SEMA7A: variants seen among roughly 807,000 people sequenced by gnomAD.
The protein encoded by SEMA7A is semaphorin-7A.
Under a neutral mutation model 67.5 loss-of-function variants are expected in SEMA7A, and 21 were observed. The observed-to-expected ratio is 0.31, with a 90% confidence interval of 0.22 to 0.45. SEMA7A has a LOEUF of 0.45. Among genes scored for constraint, SEMA7A ranks in the 20% least tolerant of loss-of-function variants. The pLI is 1.00. For missense variants in SEMA7A, 774 were observed against 908.6 expected, an observed-to-expected ratio of 0.85 and a Z score of 1.90; for synonymous variants, 364 against 368.5, an observed-to-expected ratio of 0.99 and a Z score of 0.14.
chr15:74,411,910 T>C lies in SEMA7A; in HGVS notation c.1397A>G (p.Gln466Arg). ...CCGCTCAGCATCCAGCGACATGGTC[T>C]GGATGGCAGCCGCGCGGCGGAAGGG... ...IQPFRRAAAIQTMSLDAERRK... is the reference protein window; with the variant it reads ...IQPFRRAAAIRTMSLDAERRK... The change falls in exon 11 of 14, where the codon CAG becomes CGG. Residue 466 changes from glutamine to arginine, a missense_variant. Around this residue, in one of 2 missense-constraint regions of SEMA7A, gnomAD observed 427 missense variants for 555.4 expected, o/e 0.77. Coordinates refer to ENST00000261918, the MANE Select transcript of SEMA7A (RefSeq NM_003612.5). This position sits in a 1 kb window ranked among gnomAD's most constrained non-coding sequence, Gnocchi z 4.4. The C allele has an allele frequency of 6.2e-7, 1 of 1,614,028 alleles. No individual in the cohort carries two copies. Among genetic ancestry groups the C allele is most frequent in the Middle Eastern group, 1.6e-4 (1 of 6,062 alleles).
intron 1 of SEMA7A, among the ~76,000 whole-genome samples, chr15:74,422,498 C>G (rs1441569351): frequency 1.3e-5 from 2 of 152,194 alleles, no homozygotes; most frequent in Non-Finnish European, 2.9e-5. Flanking sequence ...AATCCTCACT[C>G]GTGCTGGACC....
intron 2 of SEMA7A, 131 bp from the exon 3 acceptor site, chr15:74,418,440 G>T: frequency 3.4e-6 from 3 of 873,386 alleles, no homozygotes; most frequent in Non-Finnish European, 5.5e-6. Context: ...AGCAACTGGG[G>T]CTCTGAGAGG....
rs2060925403 is a variant in SEMA7A, at chr15:74,414,153, G to A, written c.1294+394C>T. 6.6e-6 allele frequency among the ~76,000 whole-genome samples: 1 copy of A among 152,118 alleles called. No homozygotes were observed. The highest frequency in any genetic ancestry group is 6.6e-5 in the Admixed American group (1 of 15,262). ...GCACAATCCCAAAGACAGGCGCAGGGCCTGACTCCCTCATTCTGCCTGGCA... is the reference window on the plus strand; with the variant it reads ...GCACAATCCCAAAGACAGGCGCAGGACCTGACTCCCTCATTCTGCCTGGCA... On this transcript the variant is annotated intron_variant, in intron 10 of 13. Coordinates refer to ENST00000261918, the MANE Select transcript of SEMA7A (RefSeq NM_003612.5). This position sits in a 1 kb window ranked among gnomAD's most constrained non-coding sequence, Gnocchi z 4.1.
intron 1 of SEMA7A, among the ~76,000 whole-genome samples, chr15:74,430,279 C>A (rs2061077651): frequency 6.6e-6 from 1 of 152,192 alleles, no homozygotes; most frequent in African/African-American, 2.4e-5. Flanking sequence ...TCCCAGGTTT[C>A]AATTTCTCCT....
At position 74,416,000 on chromosome 15, in the gene SEMA7A, G is replaced by A. The variant is rs2060944854; in HGVS notation, c.802-15C>T. The A allele has an allele frequency of 1.9e-6, 3 of 1,611,940 alleles. No homozygotes were observed. The highest frequency in any genetic ancestry group is 1.7e-6 in the Non-Finnish European group (2 of 1,178,290). ...CCCTGGTCCCCCTGGAAGGGTAGAG[G>A]GGAGAAGAGGCCCCTCAGCACCTGC... On this transcript the variant is annotated splice_polypyrimidine_tract_variant and intron_variant, in intron 7 of 13. Coordinates refer to ENST00000261918, the MANE Select transcript of SEMA7A (RefSeq NM_003612.5).
chr15:74,433,275 G>A (rs2061107070), intron 1 of SEMA7A, among the ~76,000 whole-genome samples: 1 of 151,474 alleles, frequency 6.6e-6, no homozygotes, highest in Non-Finnish European at 1.5e-5. Flanking sequence ...CGGCGGCGGC[G>A]GCAAGGGGTC....
At chr15:74,429,615 G>A (rs904098832) in intron 1 of SEMA7A, among the ~76,000 whole-genome samples, 1 of 152,188 alleles carries the variant, frequency 6.6e-6, no homozygotes, top group African/African-American at 2.4e-5. Flanking sequence ...GCCAGCACTC[G>A]AGAGGCCTTC....
intron 1 of SEMA7A, among the ~76,000 whole-genome samples, chr15:74,432,090 G>C (rs1231355081): frequency 6.7e-6 from 1 of 148,348 alleles, no homozygotes; most frequent in African/African-American, 2.5e-5. Flanking sequence ...TGTGCATTAA[G>C]TGGGGTGGGG....
chr15:74,425,448 A>C (rs2061036480), intron 1 of SEMA7A, among the ~76,000 whole-genome samples: 1 of 152,180 alleles, frequency 6.6e-6, no homozygotes, highest in Admixed American at 6.5e-5. Flanking sequence ...ATCTGTGCTT[A>C]TAACATCGTA....
At chr15:74,433,065 G>A (rs1046416513) in intron 1 of SEMA7A, among the ~76,000 whole-genome samples, 7 of 152,152 alleles carry the variant, frequency 4.6e-5, no homozygotes, top group African/African-American at 1.7e-4. Context: ...GCCGATTTCT[G>A]GTGACAACTG....
chr15:74,430,221 G>A (rs1268877432), intron 1 of SEMA7A, among the ~76,000 whole-genome samples: 8 of 152,068 alleles, frequency 5.3e-5, no homozygotes, highest in East Asian at 1.9e-4. Flanking sequence ...TTTGGCCCAC[G>A]AGAGAAAAAG....
intron 10 of SEMA7A, among the ~76,000 whole-genome samples, chr15:74,413,509 C>A (rs539141151): frequency 6.6e-6 from 1 of 152,198 alleles, no homozygotes; most frequent in Admixed American, 6.5e-5. Context: ...GCTCCCAGTT[C>A]CGCACTGTGT....
chr15:74,419,387 A>C (rs1164355381), intron 1 of SEMA7A, among the ~76,000 whole-genome samples: 1 of 151,810 alleles, frequency 6.6e-6, no homozygotes. Context: ...GCGCCCCCCA[A>C]CCCCGGGCCT....
intron 1 of SEMA7A, chr15:74,433,504 AG>A: frequency 8.7e-7 from 1 of 1,149,714 alleles, no homozygotes; most frequent in Non-Finnish European, 1.1e-6. Flanking sequence ...GGTGCGACTT[AG>A]CCGGGGCTCC....
In SEMA7A at chr15:74,417,679, TG is replaced by T; in HGVS notation, c.466-5del. ...GTGGCACCACAGTGCCATTCACCTGTGGGAGATCCAGAGGGTTGGATGGCCA... is the reference window on the plus strand; with the variant it reads ...GTGGCACCACAGTGCCATTCACCTGTGGAGATCCAGAGGGTTGGATGGCCA... On this transcript the variant is annotated splice_region_variant and splice_polypyrimidine_tract_variant and intron_variant, in intron 4 of 13. Coordinates refer to ENST00000261918, the MANE Select transcript of SEMA7A (RefSeq NM_003612.5). The T allele has an allele frequency of 6.2e-7, 1 of 1,609,706 alleles. No individual in the cohort carries two copies. The highest frequency in any genetic ancestry group is 8.5e-7 in the Non-Finnish European group (1 of 1,178,698).
chr15:74,424,330 A>G (rs1157462732), intron 1 of SEMA7A, among the ~76,000 whole-genome samples: 1 of 152,126 alleles, frequency 6.6e-6, no homozygotes, highest in Non-Finnish European at 1.5e-5. Context: ...CTTGAAACAA[A>G]TCACAAAACA....
At chr15:74,425,634 G>A (rs1017148729) in intron 1 of SEMA7A, among the ~76,000 whole-genome samples, 1 of 152,196 alleles carries the variant, frequency 6.6e-6, no homozygotes, top group African/African-American at 2.4e-5. Flanking sequence ...TGCAGGCCCA[G>A]GTGAATGTAG....
rs768141415 is a variant in SEMA7A at position 74,417,640 on chromosome 15, T to C, written c.501A>G (p.Arg167=). Residue 167 remains arginine (R), a synonymous_variant, in exon 5 of 14, where the codon AGA becomes AGG. Transcript: ENST00000261918. ...NGTVVPLGEM[R]GYAPFSPDEN... The stretch of plus-strand genomic sequence containing the variant: ...CGTCCGGGCTGAAGGGGGCGTAGCC[T>C]CTCATCTCGCCAAGTGGCACCACAG... 1.2e-6 allele frequency: 2 copies of C among 1,612,584 alleles called. No homozygotes were observed. Among genetic ancestry groups the C allele is most frequent in the Middle Eastern group, 1.6e-4 (1 of 6,062 alleles).
At chr15:74,429,269 C>CCA (rs2061068052) in intron 1 of SEMA7A, among the ~76,000 whole-genome samples, 1 of 152,208 alleles carries the variant, frequency 6.6e-6, no homozygotes, top group African/African-American at 2.4e-5. Context: ...CCCATCTACT[C>CCA]CAGCTACTGC....
Sources: allele counts gnomAD v4.1 joint callset (sites outside exome capture counted in the v4.1 genomes callset), GRCh38; gene constraint gnomAD v4.1.1; regional missense constraint gnomAD v4.1.1; non-coding constraint Gnocchi (gnomAD v3.1); transcripts MANE v1.5; gene names NCBI Gene and HGNC (gene_info 2026-07-23, HGNC 2026-07-21).